SLC25A21: variants seen among roughly 807,000 people sequenced by gnomAD.
SLC25A21 encodes the protein mitochondrial 2-oxodicarboxylate carrier.
Under a neutral mutation model 43.8 loss-of-function variants are expected in SLC25A21, and 47 were observed. That is an observed-to-expected ratio of 1.07 (90% CI 0.85 to 1.37). SLC25A21 has a LOEUF of 1.37. Among genes scored for constraint, SLC25A21 ranks in the 40% most tolerant of loss-of-function variants. The probability of loss-of-function intolerance (pLI) is 0.00; values close to 1 mark genes in which losing one functional copy is unlikely to be tolerated. For missense variants in SLC25A21, 352 were observed against 350.2 expected, an observed-to-expected ratio of 1.00 and a Z score of -0.04; for synonymous variants, 131 against 121.3, an observed-to-expected ratio of 1.08 and a Z score of -0.52.
rs68013942 is a variant in SLC25A21 at position 37,040,440 on chromosome 14, A to AAAGAAAGAAAGAAAGAAAGAAAGAAGG, written c.70+131840_70+131841insCCTTCTTTCTTTCTTTCTTTCTTTCTT. Among the ~76,000 whole-genome samples the AAAGAAAGAAAGAAAGAAAGAAAGAAGG allele has an allele frequency of 6.2e-5, 3 of 48,674 alleles. No individual in the cohort carries two copies. In the African/African-American group the frequency reaches 1.2e-3, roughly 20 times the overall value. 31.9% of individuals were successfully genotyped at this position (48,674 alleles called of 152,430 possible). On this transcript the variant is annotated intron_variant, in intron 1 of 9. Coordinates refer to ENST00000331299, the MANE Select transcript of SLC25A21 (RefSeq NM_030631.4). ...GAAAGAAAGAAAGAAAGAAAGAAAGAAAAGAAAAATTAGTTACAGGGTGAG... is the reference window on the plus strand; with the variant it reads ...GAAAGAAAGAAAGAAAGAAAGAAAGAAAGAAAGAAAGAAAGAAAGAAAGAAGGAAAGAAAAATTAGTTACAGGGTGAG...
At chr14:37,096,697 C>T (rs1210033855) in intron 1 of SLC25A21, among the ~76,000 whole-genome samples, 1 of 151,928 alleles carries the variant, frequency 6.6e-6, no homozygotes, top group African/African-American at 2.4e-5. Context: ...TTTTCAGCTC[C>T]AGGATTTCTG....
chr14:37,059,727 G>A (rs1961904509), intron 1 of SLC25A21, among the ~76,000 whole-genome samples: 1 of 152,146 alleles, frequency 6.6e-6, no homozygotes, highest in Non-Finnish European at 1.5e-5. Flanking sequence ...GAGTTGACAA[G>A]GATAAACAGG....
chr14:36,895,905 C>T (rs529964850), intron 1 of SLC25A21, among the ~76,000 whole-genome samples: 70 of 152,256 alleles, frequency 4.6e-4, no homozygotes, highest in East Asian at 7.7e-4. Flanking sequence ...GTCTGAGAGA[C>T]AGTTTGTTAT....
chr14:37,085,731 C>G (rs994980936), intron 1 of SLC25A21, among the ~76,000 whole-genome samples: 8 of 151,830 alleles, frequency 5.3e-5, no homozygotes, highest in Non-Finnish European at 1.0e-4. Context: ...ATTAATTATT[C>G]CAGTCTAGTG....
At chr14:37,042,746 G>C (rs1961501770) in intron 1 of SLC25A21, among the ~76,000 whole-genome samples, 1 of 152,090 alleles carries the variant, frequency 6.6e-6, no homozygotes, top group African/African-American at 2.4e-5. Flanking sequence ...TGTAAACCAG[G>C]GCATGTGTGA....
At chr14:36,914,008 TA>T (rs1891762644) in intron 1 of SLC25A21, among the ~76,000 whole-genome samples, 1 of 152,216 alleles carries the variant, frequency 6.6e-6, no homozygotes, top group Non-Finnish European at 1.5e-5. Flanking sequence ...CGAACTATTA[TA>T]ATTATATAAG....
chr14:37,081,531 G>T (rs9671258), intron 1 of SLC25A21, among the ~76,000 whole-genome samples: 1 of 152,020 alleles, frequency 6.6e-6, no homozygotes, highest in Non-Finnish European at 1.5e-5. Context: ...CAAGACTGTT[G>T]TATCAAACAG....
At chr14:36,974,245 C>G (rs1025831236) in intron 1 of SLC25A21, among the ~76,000 whole-genome samples, 1 of 152,208 alleles carries the variant, frequency 6.6e-6, no homozygotes. Context: ...TGTTAACAGA[C>G]ATGCTCCAGC....
chr14:37,034,693 T>C (rs1252617209), intron 1 of SLC25A21, among the ~76,000 whole-genome samples: 1 of 152,212 alleles, frequency 6.6e-6, no homozygotes, highest in African/African-American at 2.4e-5. Context: ...AGCCACAATT[T>C]ATTCATCCCA....
chr14:37,091,138 A>G (rs1238097510), intron 1 of SLC25A21, among the ~76,000 whole-genome samples: 1 of 152,172 alleles, frequency 6.6e-6, no homozygotes, highest in African/African-American at 2.4e-5. Flanking sequence ...TTGCCTTTAG[A>G]AACAATAGAC....
intron 2 of SLC25A21, among the ~76,000 whole-genome samples, chr14:36,838,306 C>T (rs970297716): frequency 2.0e-5 from 3 of 152,180 alleles, no homozygotes; most frequent in African/African-American, 2.4e-5. Flanking sequence ...GTGAAATAAG[C>T]ACACTTTATA....
At chr14:37,104,004 C>T (rs1489188695) in intron 1 of SLC25A21, among the ~76,000 whole-genome samples, 2 of 152,146 alleles carry the variant, frequency 1.3e-5, no homozygotes, top group Non-Finnish European at 2.9e-5. Context: ...GTGCTTCCCA[C>T]GGCTCGTGGA....
At position 36,680,228 on chromosome 14, in the gene SLC25A21, T is replaced by TAAC; in HGVS notation, c.*427_*429dup. 1 of 923,690 alleles carries TAAC rather than the reference T, an allele frequency of 1.1e-6. No individual in the cohort carries two copies. Among genetic ancestry groups the TAAC allele is most frequent in the East Asian group, 1.2e-4 (1 of 8,506 alleles). The allele number at this position is 923,690 out of a possible 1,614,324, so 57.2% of individuals were successfully genotyped here. On this transcript the variant is annotated 3_prime_UTR_variant, in exon 10 of 10. Coordinates refer to ENST00000331299, the MANE Select transcript of SLC25A21 (RefSeq NM_030631.4). ...TATAAAAACTGCTTAAATTTTGGCT[T>TAAC]AACTTTTTTTTAATCCAGTCTTTGA...
At position 36,713,047 on chromosome 14, in the gene SLC25A21, A is replaced by G. The variant is rs10146610; in HGVS notation, c.439-1565T>C. On this transcript the variant is annotated intron_variant, in intron 6 of 9. Transcript: ENST00000331299. ...GGGCAGCTTTCCTGGGGGTGGGAGG[A>G]ACAGGACAGAGGTGAGGCTGCCTGA... Among the ~76,000 whole-genome samples, 1,158 of 152,220 alleles carry G rather than the reference A, an allele frequency of 7.6e-3. 12 individuals are homozygous for G. The highest frequency in any genetic ancestry group is 0.027 in the African/African-American group (1,109 of 41,528).
chr14:37,156,623 T>C (rs1300441624), intron 1 of SLC25A21, among the ~76,000 whole-genome samples: 4 of 151,196 alleles, frequency 2.6e-5, no homozygotes, highest in Non-Finnish European at 1.5e-5. Flanking sequence ...TGAGCAGGAG[T>C]AGCTACAATT....
chr14:37,081,148 T>C (rs566475192), intron 1 of SLC25A21, among the ~76,000 whole-genome samples: 3 of 152,184 alleles, frequency 2.0e-5, no homozygotes, highest in Non-Finnish European at 2.9e-5. Flanking sequence ...AGTGTTTTTG[T>C]GAACTCTTCT....
At chr14:37,077,240 A>C (rs1229975177) in intron 1 of SLC25A21, among the ~76,000 whole-genome samples, 1 of 152,242 alleles carries the variant, frequency 6.6e-6, no homozygotes, top group Non-Finnish European at 1.5e-5. Flanking sequence ...AAATAAACAG[A>C]AGACTTTGTA....
chr14:36,747,961 GGA>G (rs1410765464), intron 3 of SLC25A21, among the ~76,000 whole-genome samples: 2 of 152,018 alleles, frequency 1.3e-5, no homozygotes, highest in East Asian at 3.8e-4. Context: ...ATTGAGGGAG[GGA>G]TATGTTAGAA....
At chr14:36,843,333 A>G (rs914797636) in intron 2 of SLC25A21, among the ~76,000 whole-genome samples, 1 of 152,202 alleles carries the variant, frequency 6.6e-6, no homozygotes, top group East Asian at 1.9e-4. Context: ...TGGTTAAAAA[A>G]GTCCATTGTC....
Sources: allele counts gnomAD v4.1 joint callset (sites outside exome capture counted in the v4.1 genomes callset), GRCh38; gene constraint gnomAD v4.1.1; transcripts MANE v1.5; gene names NCBI Gene and HGNC (gene_info 2026-07-23, HGNC 2026-07-21).